NDE1: variants seen among roughly 807,000 people sequenced by gnomAD.
The protein encoded by NDE1 is nuclear distribution protein nudE homolog 1.
A neutral mutation model predicts 43.4 loss-of-function variants in NDE1; 28 were observed. That is an observed-to-expected ratio of 0.65 (90% confidence interval 0.48 to 0.89). The LOEUF (loss-of-function observed/expected upper bound fraction) is 0.89, where lower values mean the gene tolerates loss of function less well. Ranked by LOEUF, NDE1 falls within the 40% of genes least tolerant of loss-of-function variation. The pLI is 0.00. For synonymous variants in NDE1, 184 were observed against 172.0 expected, an observed-to-expected ratio of 1.07 and a Z score of -0.55; for missense variants, 441 against 434.1, an observed-to-expected ratio of 1.02 and a Z score of -0.14.
intron 4 of NDE1, among the ~76,000 whole-genome samples, chr16:15,681,397 T>A (rs1254564514): frequency 6.6e-6 from 1 of 151,012 alleles, no homozygotes. Context: ...CCTGAGTGTC[T>A]GGGACTATAG....
chr16:15,699,849 G>GT (rs1567663739), intron 8 of NDE1: 1 of 1,344,402 alleles, frequency 7.4e-7, no homozygotes, highest in East Asian at 4.6e-5. Context: ...GAAGGTCTTG[G>GT]TGTTGGTGCG....
upstream of NDE1, among the ~76,000 whole-genome samples, chr16:15,647,563 C>T (rs893422686): frequency 6.6e-6 from 1 of 152,242 alleles, no homozygotes; most frequent in East Asian, 1.9e-4. Context: ...CCTCCCAGCC[C>T]GTTGTATCAA....
chr16:15,716,388 G>A (rs2040140378), intron 8 of NDE1, among the ~76,000 whole-genome samples: 1 of 152,194 alleles, frequency 6.6e-6, no homozygotes, highest in South Asian at 2.1e-4. Context: ...AGAAGAGAAT[G>A]GGTGAGAATC....
At chr16:15,721,254 G>A in intron 8 of NDE1, 1 of 945,964 alleles carries the variant, frequency 1.1e-6, no homozygotes, top group South Asian at 1.4e-5. Context: ...ATCCTCGACT[G>A]CCATTCTCAG....
chr16:15,650,789 C>T (rs1440136418), intron 1 of NDE1, among the ~76,000 whole-genome samples: 6 of 152,134 alleles, frequency 3.9e-5, no homozygotes, highest in African/African-American at 1.4e-4. Flanking sequence ...ACCCGCTTCT[C>T]TGCGACCCCA....
At chr16:15,650,595 G>T (rs1004486359) in intron 1 of NDE1, among the ~76,000 whole-genome samples, 1 of 152,194 alleles carries the variant, frequency 6.6e-6, no homozygotes, top group East Asian at 1.9e-4. Flanking sequence ...CTCTTTCTGC[G>T]TTGGTCTCTC....
intron 1 of NDE1, among the ~76,000 whole-genome samples, chr16:15,657,699 A>AT (rs2036840914): frequency 6.6e-6 from 1 of 151,792 alleles, no homozygotes; most frequent in Admixed American, 6.6e-5. Flanking sequence ...GGCTTAAGTG[A>AT]TTTTTCCTGC....
chr16:15,674,454 G>T (rs1425871385), intron 3 of NDE1, among the ~76,000 whole-genome samples: 7 of 152,064 alleles, frequency 4.6e-5, no homozygotes, highest in Middle Eastern at 3.4e-3. Context: ...TCACCATGTT[G>T]TCCAGGCTGG....
At chr16:15,712,172 G>C (rs1488063704) in intron 8 of NDE1, among the ~76,000 whole-genome samples, 1 of 152,182 alleles carries the variant, frequency 6.6e-6, no homozygotes, top group African/African-American at 2.4e-5. Context: ...TTTCAGTCAG[G>C]ACTTGGGGTG....
exon 1 of NDE1, chr16:15,643,475 A>G (rs1273582509): frequency 4.9e-6 from 2 of 410,396 alleles, no homozygotes; most frequent in African/African-American, 4.5e-5. Context: ...CGAGGAAAAA[A>G]CCTGCCAACC....
chr16:15,684,741 G>C (rs1596607185), intron 4 of NDE1, among the ~76,000 whole-genome samples: 1 of 152,172 alleles, frequency 6.6e-6, no homozygotes, highest in Admixed American at 6.6e-5. Context: ...TGGGTACCCA[G>C]TGGTCCCTAA....
chr16:15,661,439 C>T (rs963012083), intron 1 of NDE1, among the ~76,000 whole-genome samples: 1 of 151,818 alleles, frequency 6.6e-6, no homozygotes, highest in Non-Finnish European at 1.5e-5. Flanking sequence ...TGAGCCACCG[C>T]GCCCGGCCGA....
chr16:15,648,723 G>A (rs965481989), upstream of NDE1, among the ~76,000 whole-genome samples: 8 of 152,132 alleles, frequency 5.3e-5, no homozygotes, highest in Admixed American at 6.6e-5. Flanking sequence ...CAAGAAAATC[G>A]CTTGAATCTG....
intron 1 of NDE1, among the ~76,000 whole-genome samples, chr16:15,663,684 C>A (rs544497395): frequency 1.3e-5 from 2 of 152,140 alleles, no homozygotes; most frequent in Non-Finnish European, 2.9e-5. Context: ...TCAGAACACA[C>A]CAATGTGTAT....
intron 1 of NDE1, among the ~76,000 whole-genome samples, chr16:15,658,026 C>T (rs957507305): frequency 1.3e-5 from 2 of 152,206 alleles, no homozygotes; most frequent in Non-Finnish European, 2.9e-5. Context: ...TATCTCATAA[C>T]CTTAAATCAG....
At chr16:15,691,022 G>A (rs2038722189) in intron 5 of NDE1, 122 bp from the exon 6 acceptor site, 4 of 1,109,460 alleles carry the variant, frequency 3.6e-6, no homozygotes, top group Non-Finnish European at 5.4e-6. Context: ...TGGTCAGGCT[G>A]GTCTCGAACT....
chr16:15,719,623 C>G (rs749715052), intron 8 of NDE1: 1 of 1,614,178 alleles, frequency 6.2e-7, no homozygotes, highest in South Asian at 1.1e-5. Flanking sequence ...AAGCTCTTGG[C>G]TTTCTTCTCA....
chr16:15,643,866 T>A (rs2036220073), exon 1 of NDE1: 1 of 155,252 alleles, frequency 6.4e-6, no homozygotes, highest in Non-Finnish European at 1.4e-5. Flanking sequence ...GCTCCAAAGC[T>A]GGTTACAAAT....
chr16:15,692,254 A>G (rs1223057695), intron 6 of NDE1, among the ~76,000 whole-genome samples: 2 of 152,238 alleles, frequency 1.3e-5, no homozygotes, highest in Non-Finnish European at 2.9e-5. Flanking sequence ...CTCTGAGTTA[A>G]GCAGAGTCAT....
Sources: gnomAD v4.1 joint callset for allele counts (sites outside exome capture counted in the v4.1 genomes callset) on GRCh38, gnomAD v4.1.1 for gene constraint, MANE v1.5 for transcripts, NCBI Gene and HGNC (gene_info 2026-07-23, HGNC 2026-07-21) for gene names.